Variants in PRRC2B observed in about 807,000 individuals in gnomAD.
The protein encoded by PRRC2B is protein PRRC2B.
Under a neutral mutation model 242.3 loss-of-function variants are expected in PRRC2B, and 68 were observed. The observed-to-expected ratio is 0.28, with a 90% CI of 0.23 to 0.34. The LOEUF (loss-of-function observed/expected upper bound fraction) is 0.34, where lower values mean the gene tolerates loss of function less well. Ranked by LOEUF, PRRC2B falls within the 10% of genes least tolerant of loss-of-function variation. The pLI is 1.00. For synonymous variants in PRRC2B, 1,228 were observed against 1,173.6 expected, an observed-to-expected ratio of 1.05 and a Z score of -0.95; for missense variants, 2,835 against 2,954.8, an observed-to-expected ratio of 0.96 and a Z score of 0.94.
At chr9:131,438,943 T>C (rs1489551854) in intron 4 of PRRC2B, 46 bp from the exon 5 acceptor site, 1 of 1,461,346 alleles carries the variant, frequency 6.8e-7, no homozygotes, top group African/African-American at 1.4e-5. Context: ...TATTGTACAG[T>C]GGAATAAGGG....
Position 131,475,251 on chromosome 9 carries a change from T to G in PRRC2B, c.3122T>G (p.Val1041Gly). The G allele has an allele frequency of 1.2e-6, 2 of 1,613,450 alleles. No homozygotes were observed. The highest frequency in any genetic ancestry group is 1.7e-6 in the Non-Finnish European group (2 of 1,179,668). Reference sequence around the variant, plus strand: ...AGACCCCCACGAGAGTCCAGCGATGTTCCCCCCATGAAGAGAAATAACTGG... The same window carrying G: ...AGACCCCCACGAGAGTCCAGCGATGGTCCCCCCATGAAGAGAAATAACTGG... ...EARPPRESSDVPPMKRNNWIF... is the reference protein window; with the variant it reads ...EARPPRESSDGPPMKRNNWIF... Residue 1041 changes from valine (V) to glycine (G), a missense_variant, in exon 16 of 32, where the codon GTT becomes GGT. Physicochemically the swap from Val to Gly is moderately radical, Grantham distance 109. Transcript: ENST00000683519.
At chr9:131,454,877 GCCCACC>G (rs1943025551) in intron 9 of PRRC2B, among the ~76,000 whole-genome samples, 193 bp from the exon 10 acceptor site, 1 of 149,012 alleles carries the variant, frequency 6.7e-6, no homozygotes, top group Non-Finnish European at 1.5e-5. Flanking sequence ...CTCATGATCC[GCCCACC>G]TCAGCCTCGC....
At chr9:131,430,695 C>T (rs556534279) in intron 2 of PRRC2B, among the ~76,000 whole-genome samples, 12 of 151,608 alleles carry the variant, frequency 7.9e-5, no homozygotes, top group African/African-American at 1.9e-4. Context: ...TGGGCTCAAG[C>T]GAGTCTCTTG....
At chr9:131,428,871 A>G (rs369554807) in intron 1 of PRRC2B, among the ~76,000 whole-genome samples, 2 of 152,342 alleles carry the variant, frequency 1.3e-5, no homozygotes, top group East Asian at 1.9e-4. Context: ...CCTATTGCCA[A>G]GGTTGGGTAT....
intron 1 of PRRC2B, among the ~76,000 whole-genome samples, chr9:131,424,498 C>A (rs1233822837): frequency 6.6e-6 from 1 of 151,992 alleles, no homozygotes; most frequent in Non-Finnish European, 1.5e-5. Context: ...ACAAGCCTGG[C>A]CAACATGGTG....
chr9:131,413,103 T>A (rs1399942522), intron 1 of PRRC2B, among the ~76,000 whole-genome samples: 1 of 152,250 alleles, frequency 6.6e-6, no homozygotes, highest in Non-Finnish European at 1.5e-5. Flanking sequence ...TATTCTTAGC[T>A]CCTACAATTT....
chr9:131,373,980 A>G (rs1836650660), intron 1 of PRRC2B, among the ~76,000 whole-genome samples: 1 of 148,614 alleles, frequency 6.7e-6, no homozygotes, highest in South Asian at 2.2e-4. Context: ...AATGGCGTGA[A>G]CCCGGGAGGC....
chr9:131,396,325 CTTTTTTTTT>C (rs1165485887), intron 1 of PRRC2B, among the ~76,000 whole-genome samples: 1 of 132,950 alleles, frequency 7.5e-6, no homozygotes, highest in Admixed American at 8.0e-5. Flanking sequence ...CTTTTCTTTT[CTTTTTTTTT>C]TTTTTTTTTT....
At chr9:131,401,711 A>G (rs1837231092) in intron 1 of PRRC2B, among the ~76,000 whole-genome samples, 1 of 151,858 alleles carries the variant, frequency 6.6e-6, no homozygotes, top group South Asian at 2.1e-4. Context: ...CCCAGGCTGG[A>G]GTGCAATGGC....
intron 12 of PRRC2B, 82 bp from the exon 13 acceptor site, chr9:131,467,481 A>G: frequency 8.0e-7 from 1 of 1,245,096 alleles, no homozygotes; most frequent in Non-Finnish European, 1.1e-6. Context: ...GGCCAACAGG[A>G]AGAAGTACTT....
chr9:131,478,642 G>GGGGGGGGGGGGGGGGGGGGGC, intron 18 of PRRC2B, 23 bp downstream of exon 18: 1 of 482,038 alleles, frequency 2.1e-6, no homozygotes, highest in East Asian at 5.2e-5. Flanking sequence ...GGGTGGGGGG[G>GGGGGGGGGGGGGGGGGGGGGC]CATGGGGCTG....
Position 131,494,301 on chromosome 9 carries a change from C to T in PRRC2B, c.6474-104C>T. The T allele has an allele frequency of 1.5e-6, 1 of 659,560 alleles. No homozygotes were observed. The highest frequency in any genetic ancestry group is 2.7e-6 in the Non-Finnish European group (1 of 371,124). The allele number at this position is 659,560 out of a possible 1,614,324, so 40.9% of individuals were successfully genotyped here. On this transcript the variant is annotated intron_variant, in intron 30 of 31. Coordinates refer to ENST00000683519, the MANE Select transcript of PRRC2B (RefSeq NM_013318.4). The surrounding 1 kb of genome is among the most constrained non-coding windows in gnomAD (Gnocchi z 4.3). ...GACCGTCCCGAGTGAGCGCCTCTGG[C>T]CGCAGGCCCTTCCTTCCTTGTGCCT... is the stretch of plus-strand genomic sequence containing the variant.
intron 4 of PRRC2B, among the ~76,000 whole-genome samples, chr9:131,437,036 AAGCTCCATGGAAGCGTCACGTG>A (rs1427431253): frequency 1.3e-5 from 2 of 152,144 alleles, no homozygotes; most frequent in East Asian, 1.9e-4. Context: ...GTTCAGGGTG[AAGCTCCATGGAAGCGTCACGTG>A]AGCTCCATGG....
rs1944053685 is a variant in PRRC2B, at chr9:131,487,330, C to CA, written c.5984+37dup. The CA allele has an allele frequency of 6.5e-7, 1 of 1,536,378 alleles. No homozygotes were observed. The highest frequency in any genetic ancestry group is 8.8e-7 in the Non-Finnish European group (1 of 1,135,340). On this transcript the variant is annotated intron_variant, in intron 27 of 31. Transcript: ENST00000683519. This position sits in a 1 kb window ranked among gnomAD's most constrained non-coding sequence, Gnocchi z 5.3. ...GTACCAGCTTGCGGAGCTGGCAGCTCACAGCCAGGGCCTTGGCCCTGTGTG... is the reference window on the plus strand; with the variant it reads ...GTACCAGCTTGCGGAGCTGGCAGCTCAACAGCCAGGGCCTTGGCCCTGTGTG...
chr9:131,393,172 A>G (rs1289714096), upstream of PRRC2B, among the ~76,000 whole-genome samples: 9 of 152,274 alleles, frequency 5.9e-5, no homozygotes, highest in East Asian at 1.7e-3. Flanking sequence ...AATTAGAACA[A>G]TAATATCTGC....
chr9:131,447,257 T>C (rs755213517), intron 8 of PRRC2B, 51 bp downstream of exon 8: 4 of 1,606,026 alleles, frequency 2.5e-6, no homozygotes, highest in Admixed American at 3.4e-5. Flanking sequence ...GCGGTGGTGA[T>C]TCTGGTCAAG....
At chr9:131,412,639 T>C (rs935282071) in intron 1 of PRRC2B, among the ~76,000 whole-genome samples, 2 of 152,250 alleles carry the variant, frequency 1.3e-5, no homozygotes, top group Non-Finnish European at 2.9e-5. Flanking sequence ...AGATGTTGCT[T>C]CTTTGCAAAT....
At chr9:131,471,246 CCTT>C (rs1220470971) in intron 14 of PRRC2B, among the ~76,000 whole-genome samples, 6 of 152,044 alleles carry the variant, frequency 3.9e-5, no homozygotes, top group South Asian at 2.1e-4. Context: ...GTCGTTTTGT[CCTT>C]CTTCTCATTC....
At chr9:131,453,133 G>T (rs1436208154) in intron 9 of PRRC2B, among the ~76,000 whole-genome samples, 1 of 152,160 alleles carries the variant, frequency 6.6e-6, no homozygotes, top group African/African-American at 2.4e-5. Context: ...TAGTTTCTAT[G>T]CCTTTCTGGT....
Sources: allele counts gnomAD v4.1 joint callset (sites outside exome capture counted in the v4.1 genomes callset), GRCh38; gene constraint gnomAD v4.1.1; non-coding constraint Gnocchi (gnomAD v3.1); transcripts MANE v1.5; gene names NCBI Gene and HGNC (gene_info 2026-07-23, HGNC 2026-07-21).